Variants in OR2W3 observed in about 807,000 individuals in gnomAD.
OR2W3 encodes the protein olfactory receptor family 2 subfamily W member 3, also known as olfactory receptor 2W3.
For missense variants in OR2W3, 448 were observed against 397.0 expected (o/e 1.13, Z -1.09); for synonymous variants, 196 against 168.2 (o/e 1.17, Z -1.28).
chr1:247,896,306 C>G lies in OR2W3; in HGVS notation c.720C>G (p.Thr240=), dbSNP rs1659608647. The G allele has an allele frequency of 1.9e-6, 3 of 1,614,036 alleles. No homozygotes were observed. In the South Asian group the frequency reaches 3.3e-5, roughly 18 times the overall value. ...SASGRQKAFG[T]CGSHLTVVSL... ...CAGGAAGGCAGAAGGCCTTCGGCAC[C>G]TGCGGCTCCCATCTCACTGTGGTCT... The change falls in exon 1 of 1, where the codon ACC becomes ACG. Residue 240 remains threonine (T), a synonymous_variant. Transcript: ENST00000360358.
At position 247,896,414 on chromosome 1, in the gene OR2W3, C is replaced by T; in HGVS notation, c.828C>T (p.Leu276=). 1 of 1,613,684 alleles carries T rather than the reference C, an allele frequency of 6.2e-7. No homozygotes were observed. Among genetic ancestry groups the T allele is most frequent in the African/African-American group, 1.3e-5 (1 of 75,006 alleles). ...SSQDQGMFLM[L]FYNIVTPLLN... is the part of the protein sequence containing the mutation. ...AGGACCAGGGCATGTTCCTCATGCT[C>T]TTCTACAACATTGTCACCCCCCTCC... is the stretch of plus-strand genomic sequence containing the variant. Residue 276 remains leucine, a synonymous_variant, in exon 1 of 1, where the codon CTC becomes CTT. Transcript: ENST00000360358.
rs781765503 is a variant in OR2W3, at chr1:247,895,990, T to C, written c.404T>C (p.Ile135Thr). The C allele has an allele frequency of 1.2e-6, 2 of 1,613,990 alleles. No individual in the cohort carries two copies. The highest frequency in any genetic ancestry group is 1.7e-6 in the Non-Finnish European group (2 of 1,180,008). Residue 135 changes from isoleucine (I) to threonine (T), a missense_variant, in exon 1 of 1, where the codon ATC becomes ACC. By Grantham distance (89) the Ile-to-Thr change is moderately conservative (BLOSUM62 -1). Coordinates refer to ENST00000360358, the MANE Select transcript of OR2W3 (RefSeq NM_001001957.2). ...TGCAAGCCCCTGCACTACATGGTGA[T>C]CATGAACCCCAGGCTCTGCCGGGGC... is the stretch of plus-strand genomic sequence containing the variant. ...AICKPLHYMV[I>T]MNPRLCRGLV...
rs1659601855 is a variant in OR2W3 at position 247,896,053 on chromosome 1, C to A, written c.467C>A (p.Ser156Tyr). Reference sequence around the variant, plus strand: ...ACCTGGGGCTGTGGGGTGGCCAACTCCTTGGCCATGTCTCCTGTGACCCTG... The same window carrying A: ...ACCTGGGGCTGTGGGGTGGCCAACTACTTGGCCATGTCTCCTGTGACCCTG... ...SVTWGCGVAN[S>Y]LAMSPVTLRL... The change falls in exon 1 of 1, where the codon TCC (serine) becomes TAC (tyrosine). Residue 156 changes from serine (S) to tyrosine (Y), a missense_variant. Coordinates refer to ENST00000360358, the MANE Select transcript of OR2W3 (RefSeq NM_001001957.2). The A allele has an allele frequency of 6.8e-7, 1 of 1,474,314 alleles. No homozygotes were observed. Among genetic ancestry groups the A allele is most frequent in the Non-Finnish European group, 9.4e-7 (1 of 1,063,404 alleles). The allele number at this position is 1,474,314 out of a possible 1,614,324, so 91.3% of individuals were successfully genotyped here.
chr1:247,895,704 G>A lies in OR2W3; in HGVS notation c.118G>A (p.Val40Ile), dbSNP rs779943334. The change falls in exon 1 of 1, where the codon GTA (valine) becomes ATA (isoleucine). Residue 40 changes from valine (V) to isoleucine (I), a missense_variant. By Grantham distance (29) the Val-to-Ile change is conservative. Transcript: ENST00000360358. ...VILIAYLLTL[V>I]GNTTIILVSR... is the part of the protein sequence containing the mutation. Reference sequence around the variant, plus strand: ...CCTGATCGCGTACCTCCTGACCCTCGTAGGCAACACCACCATCATCCTGGT... The same window carrying A: ...CCTGATCGCGTACCTCCTGACCCTCATAGGCAACACCACCATCATCCTGGT... 65 of 1,613,682 alleles carry A rather than the reference G, an allele frequency of 4.0e-5. No homozygotes were observed. In the Admixed American group the frequency reaches 4.5e-4, roughly 11 times the overall value.
At position 247,896,262 on chromosome 1, in the gene OR2W3, T is replaced by C. The variant is rs1340048732; in HGVS notation, c.676T>C (p.Leu226=). Residue 226 remains leucine (L), a synonymous_variant, in exon 1 of 1, where the codon TTA becomes CTA. Transcript: ENST00000360358. ...TTACAGCTACATTGTGAGGGCTGTG[T>C]TACAAATTCGGTCAGCATCAGGAAG... The part of the protein sequence containing the change: ...LSYSYIVRAV[L]QIRSASGRQK... The C allele has an allele frequency of 1.2e-6, 2 of 1,614,034 alleles. No individual in the cohort carries two copies. The highest frequency in any genetic ancestry group is 1.7e-6 in the Non-Finnish European group (2 of 1,180,024).
rs765609036 is a variant in OR2W3, at chr1:247,895,836, A to C, written c.250A>C (p.Asn84His). Reference sequence around the variant, plus strand: ...CAGCTCCATCCCCCAGCTGCTCTACAACCTTAATGGATGTGACAAGACCAT... The same window carrying C: ...CAGCTCCATCCCCCAGCTGCTCTACCACCTTAATGGATGTGACAAGACCAT... The part of the protein sequence containing the change: ...TTSSIPQLLY[N>H]LNGCDKTISY... The change falls in exon 1 of 1, where the codon AAC (asparagine) becomes CAC (histidine). Residue 84 changes from asparagine to histidine, a missense_variant. Asn to His is a moderately conservative substitution (Grantham distance 68). Coordinates refer to ENST00000360358, the MANE Select transcript of OR2W3 (RefSeq NM_001001957.2). The C allele has an allele frequency of 2.5e-6, 4 of 1,613,840 alleles. No individual in the cohort carries two copies. In the Admixed American group the frequency reaches 6.7e-5, roughly 27 times the overall value.
chr1:247,896,023 C>A lies in OR2W3; in HGVS notation c.437C>A (p.Ser146Ter). The change falls in exon 1 of 1, where the codon TCA (serine) becomes TAA (stop). Residue 146 changes from serine (S) to a stop codon, truncating the protein, a stop_gained. Transcript: ENST00000360358. LOFTEE classifies it low-confidence loss of function (END_TRUNC). ...MNPRLCRGLV[S>*]VTWGCGVANS... ...CCCAGGCTCTGCCGGGGCTTGGTGT[C>A]AGTGACCTGGGGCTGTGGGGTGGCC... 6.2e-7 allele frequency: 1 copy of A among 1,614,096 alleles called. No homozygotes were observed. The highest frequency in any genetic ancestry group is 8.5e-7 in the Non-Finnish European group (1 of 1,179,982).
chr1:247,895,883 C>G lies in OR2W3; in HGVS notation c.297C>G (p.Ile99Met). The change falls in exon 1 of 1, where the codon ATC becomes ATG. Residue 99 changes from isoleucine (I) to methionine (M), a missense_variant. Ile to Met is a conservative substitution (Grantham distance 10). Coordinates refer to ENST00000360358, the MANE Select transcript of OR2W3 (RefSeq NM_001001957.2). ...DKTISYMGCA[I>M]QLFLFLGLGG... Reference sequence around the variant, plus strand: ...CCATCAGCTACATGGGCTGTGCCATCCAGCTCTTCCTGTTCCTGGGTCTGG... The same window carrying G: ...CCATCAGCTACATGGGCTGTGCCATGCAGCTCTTCCTGTTCCTGGGTCTGG... 1 of 1,614,164 alleles carries G rather than the reference C, an allele frequency of 6.2e-7. No homozygotes were observed. The highest frequency in any genetic ancestry group is 8.5e-7 in the Non-Finnish European group (1 of 1,179,990).
In OR2W3 at chr1:247,896,093, T is replaced by A. The variant is rs1167120586; in HGVS notation, c.507T>A (p.Cys169Ter). 2 of 1,614,182 alleles carry A rather than the reference T, an allele frequency of 1.2e-6. No individual in the cohort carries two copies. The highest frequency in any genetic ancestry group is 4.5e-5 in the East Asian group (2 of 44,872). Reference protein sequence around the residue: ...MSPVTLRLPRCGHHEVDHFLR... With the variant: ...MSPVTLRLPR ...CTGTGACCCTGCGCTTACCCCGCTG[T>A]GGGCACCACGAGGTGGACCACTTCC... The change falls in exon 1 of 1, where the codon TGT becomes TGA. Residue 169 changes from cysteine to a stop codon, truncating the protein, a stop_gained. Transcript: ENST00000360358. LOFTEE classifies it low-confidence loss of function (END_TRUNC).
rs1215357463 is a variant in OR2W3 at position 247,895,630 on chromosome 1, T to C, written c.44T>C (p.Leu15Pro). The C allele has an allele frequency of 6.2e-7, 1 of 1,613,996 alleles. No homozygotes were observed. The highest frequency in any genetic ancestry group is 8.5e-7 in the Non-Finnish European group (1 of 1,179,922). ...AGCACCCAAACCCATTTCATCCTACTGGGATTCTCTGACCGACCCCATCTG... is the reference window on the plus strand; with the variant it reads ...AGCACCCAAACCCATTTCATCCTACCGGGATTCTCTGACCGACCCCATCTG... The part of the protein sequence containing the change: ...NGSTQTHFIL[L>P]GFSDRPHLER... The change falls in exon 1 of 1, where the codon CTG (leucine) becomes CCG (proline). Residue 15 changes from leucine (L) to proline (P), a missense_variant. By Grantham distance (98) the Leu-to-Pro change is moderately conservative (BLOSUM62 -3). Coordinates refer to ENST00000360358, the MANE Select transcript of OR2W3 (RefSeq NM_001001957.2).
rs567625084 is a variant in OR2W3, at chr1:247,895,977, C to T, written c.391C>T (p.His131Tyr). 2 of 1,614,130 alleles carry T rather than the reference C, an allele frequency of 1.2e-6. No individual in the cohort carries two copies. The highest frequency in any genetic ancestry group is 2.2e-5 in the East Asian group (1 of 44,872). The change falls in exon 1 of 1, where the codon CAC becomes TAC. Residue 131 changes from histidine to tyrosine, a missense_variant. Coordinates refer to ENST00000360358, the MANE Select transcript of OR2W3 (RefSeq NM_001001957.2). ...GTGTGTGGCTATCTGCAAGCCCCTG[C>T]ACTACATGGTGATCATGAACCCCAG... ...DRCVAICKPL[H>Y]YMVIMNPRLC...
chr1:247,896,100 C>A lies in OR2W3; in HGVS notation c.514C>A (p.His172Asn). Residue 172 changes from histidine (H) to asparagine (N), a missense_variant, in exon 1 of 1, where the codon CAC (histidine) becomes AAC (asparagine). Physicochemically the swap from His to Asn is moderately conservative, Grantham distance 68. Transcript: ENST00000360358. ...VTLRLPRCGH[H>N]EVDHFLREMP... ...CCTGCGCTTACCCCGCTGTGGGCAC[C>A]ACGAGGTGGACCACTTCCTGCGTGA... 2.5e-6 allele frequency: 4 copies of A among 1,614,202 alleles called. No homozygotes were observed. The highest frequency in any genetic ancestry group is 3.4e-6 in the Non-Finnish European group (4 of 1,180,020).
Position 247,896,307 on chromosome 1 carries a change from T to C in OR2W3, c.721T>C (p.Cys241Arg), listed in dbSNP as rs781248919. Residue 241 changes from cysteine to arginine, a missense_variant, in exon 1 of 1, where the codon TGC becomes CGC. Coordinates refer to ENST00000360358, the MANE Select transcript of OR2W3 (RefSeq NM_001001957.2). ...AGGAAGGCAGAAGGCCTTCGGCACC[T>C]GCGGCTCCCATCTCACTGTGGTCTC... ...ASGRQKAFGTCGSHLTVVSLF... is the reference protein window; with the variant it reads ...ASGRQKAFGTRGSHLTVVSLF... The C allele has an allele frequency of 1.2e-6, 2 of 1,614,178 alleles. No homozygotes were observed. The highest frequency in any genetic ancestry group is 1.7e-6 in the Non-Finnish European group (2 of 1,179,998).
rs371060691 is a variant in OR2W3 at position 247,896,364 on chromosome 1, A to G, written c.778A>G (p.Met260Val). The G allele has an allele frequency of 5.0e-5, 81 of 1,614,020 alleles. No individual in the cohort carries two copies. In the Middle Eastern group the frequency reaches 1.3e-3, roughly 26 times the overall value. Residue 260 changes from methionine to valine, a missense_variant, in exon 1 of 1, where the codon ATG becomes GTG. Transcript: ENST00000360358. ...LFYGNIIYMY[M>V]QPGASSSQDQ... ...CTATGGAAACATCATCTACATGTAC[A>G]TGCAGCCAGGAGCCAGTTCTTCCCA...
Position 247,896,527 on chromosome 1 carries a change from A to C in OR2W3, c.941A>C (p.Glu314Ala), listed in dbSNP as rs767669167. 1.9e-6 allele frequency: 3 copies of C among 1,597,580 alleles called. No individual in the cohort carries two copies. The highest frequency in any genetic ancestry group is 2.2e-5 in the South Asian group (2 of 89,352). Residue 314 changes from glutamate to alanine, a missense_variant, in exon 1 of 1, where the codon GAG becomes GCG. Transcript: ENST00000360358. Reference sequence around the variant, plus strand: ...CTGGGGAAGAGAGAGCTAGGAAAGGAGTAAAGGCATCTCCACCTGACTTCA... The same window carrying C: ...CTGGGGAAGAGAGAGCTAGGAAAGGCGTAAAGGCATCTCCACCTGACTTCA... ...LLLGKRELGK[E>A]
Position 247,895,862 on chromosome 1 carries a change from C to T in OR2W3, c.276C>T (p.Ile92=). 1 of 1,614,084 alleles carries T rather than the reference C, an allele frequency of 6.2e-7. No homozygotes were observed. The highest frequency in any genetic ancestry group is 8.5e-7 in the Non-Finnish European group (1 of 1,179,948). The change falls in exon 1 of 1, where the codon ATC becomes ATT. Residue 92 remains isoleucine (I), a synonymous_variant. Transcript: ENST00000360358. The stretch of plus-strand genomic sequence containing the variant: ...ACCTTAATGGATGTGACAAGACCAT[C>T]AGCTACATGGGCTGTGCCATCCAGC... ...LYNLNGCDKT[I]SYMGCAIQLF...
chr1:247,896,439 C>T lies in OR2W3; in HGVS notation c.853C>T (p.Leu285Phe). 6.2e-7 allele frequency: 1 copy of T among 1,613,122 alleles called. No homozygotes were observed. Among genetic ancestry groups the T allele is most frequent in the Non-Finnish European group, 8.5e-7 (1 of 1,179,638 alleles). The change falls in exon 1 of 1, where the codon CTC (leucine) becomes TTC (phenylalanine). Residue 285 changes from leucine to phenylalanine, a missense_variant. Physicochemically the swap from Leu to Phe is conservative, Grantham distance 22. Coordinates refer to ENST00000360358, the MANE Select transcript of OR2W3 (RefSeq NM_001001957.2). ...MLFYNIVTPL[L>F]NPLIYTLRNR... ...CTTCTACAACATTGTCACCCCCCTC[C>T]TCAATCCTCTCATCTACACCCTCAG...
In OR2W3 at chr1:247,895,996, A is replaced by C; in HGVS notation, c.410A>C (p.Asn137Thr). The C allele has an allele frequency of 1.2e-6, 2 of 1,613,906 alleles. No individual in the cohort carries two copies. The highest frequency in any genetic ancestry group is 2.2e-5 in the East Asian group (1 of 44,856). Residue 137 changes from asparagine (N) to threonine (T), a missense_variant, in exon 1 of 1, where the codon AAC becomes ACC. Asn to Thr is a moderately conservative substitution (Grantham distance 65). Transcript: ENST00000360358. ...CCCCTGCACTACATGGTGATCATGA[A>C]CCCCAGGCTCTGCCGGGGCTTGGTG... ...CKPLHYMVIM[N>T]PRLCRGLVSV...
chr1:247,896,136 C>G lies in OR2W3; in HGVS notation c.550C>G (p.Leu184Val). The change falls in exon 1 of 1, where the codon CTG (leucine) becomes GTG (valine). Residue 184 changes from leucine (L) to valine (V), a missense_variant. Transcript: ENST00000360358. ...VDHFLREMPA[L>V]IRMACVSTVA... The stretch of plus-strand genomic sequence containing the variant: ...CCACTTCCTGCGTGAGATGCCCGCC[C>G]TGATCCGGATGGCCTGCGTCAGCAC... 6.2e-7 allele frequency: 1 copy of G among 1,614,188 alleles called. No homozygotes were observed. The highest frequency in any genetic ancestry group is 1.3e-5 in the African/African-American group (1 of 75,066).
Sources: gnomAD v4.1 joint callset for allele counts on GRCh38, gnomAD v4.1.1 for gene constraint, MANE v1.5 for transcripts, NCBI Gene and HGNC (gene_info 2026-07-23, HGNC 2026-07-21) for gene names.